The following CTIF variants were observed in gnomAD, a reference collection of about 807,000 sequenced individuals.
CTIF encodes the protein CBP80/20-dependent translation initiation factor.
A neutral mutation model predicts 66.0 loss-of-function variants in CTIF; 21 were observed. That is an observed-to-expected ratio of 0.32 (90% CI 0.23 to 0.46). The LOEUF (loss-of-function observed/expected upper bound fraction) is 0.46, where lower values mean the gene tolerates loss of function less well. Ranked by LOEUF, CTIF falls within the 20% of genes least tolerant of loss-of-function variation. CTIF has a pLI of 1.00. For missense variants in CTIF, 739 were observed against 812.7 expected (o/e 0.91, Z 1.10); for synonymous variants, 345 against 326.4 (o/e 1.06, Z -0.62).
chr18:48,649,239 G>A (rs955791903), intron 3 of CTIF, among the ~76,000 whole-genome samples: 1 of 152,066 alleles, frequency 6.6e-6, no homozygotes, highest in African/African-American at 2.4e-5. Context: ...GGAAAAATGG[G>A]ACACTCCCAC....
At position 48,769,990 on chromosome 18, in the gene CTIF, G is replaced by A. The variant is rs527868416; in HGVS notation, c.1371+8301G>A. ...GCCCTGACTGTTCAGTTTGGGTGGG[G>A]CGGGGGAACATGTGGCTTCCAGGAG... On this transcript the variant is annotated intron_variant, in intron 9 of 11. Coordinates refer to ENST00000256413, the MANE Select transcript of CTIF (RefSeq NM_014772.3). Among the ~76,000 whole-genome samples, 3 of 152,358 alleles carry A rather than the reference G, an allele frequency of 2.0e-5. No individual in the cohort carries two copies. In the East Asian group the frequency reaches 5.8e-4, roughly 29 times the overall value.
chr18:48,700,585 C>T (rs1005408373), intron 6 of CTIF, among the ~76,000 whole-genome samples: 4 of 152,228 alleles, frequency 2.6e-5, no homozygotes, highest in African/African-American at 4.8e-5. Flanking sequence ...CCTGTGCGAA[C>T]GTGACTACTG....
intron 3 of CTIF, among the ~76,000 whole-genome samples, chr18:48,642,252 G>A (rs575743589): frequency 6.6e-6 from 1 of 152,114 alleles, no homozygotes; most frequent in Non-Finnish European, 1.5e-5. Flanking sequence ...CAACATACAC[G>A]TAAGATCCCC....
intron 9 of CTIF, among the ~76,000 whole-genome samples, chr18:48,805,635 G>A (rs1408096207): frequency 6.6e-6 from 1 of 152,228 alleles, no homozygotes; most frequent in East Asian, 1.9e-4. Context: ...TCACTGTATG[G>A]CAAAAATGTT....
chr18:48,581,525 C>T (rs1310351895), intron 1 of CTIF, among the ~76,000 whole-genome samples: 1 of 152,180 alleles, frequency 6.6e-6, no homozygotes, highest in Non-Finnish European at 1.5e-5. Flanking sequence ...GCCTTAACCA[C>T]TGCACTTCAT....
intron 7 of CTIF, among the ~76,000 whole-genome samples, chr18:48,751,574 C>T (rs1280298169): frequency 6.6e-6 from 1 of 152,214 alleles, no homozygotes; most frequent in African/African-American, 2.4e-5. Context: ...GGGAGCAGTT[C>T]AGAGGCACAC....
At chr18:48,758,555 G>A in intron 8 of CTIF, 150 bp downstream of exon 8, 1 of 953,990 alleles carries the variant, frequency 1.0e-6, no homozygotes, top group Non-Finnish European at 1.6e-6. Flanking sequence ...TCACTGTGGG[G>A]ACCAACCACA....
At chr18:48,637,390 C>G (rs966579801) in intron 3 of CTIF, among the ~76,000 whole-genome samples, 41 of 152,338 alleles carry the variant, frequency 2.7e-4, no homozygotes, top group Admixed American at 1.8e-3. Flanking sequence ...TACCTCATCC[C>G]TGCCTGCAGG....
chr18:48,675,891 G>A (rs919392512), intron 6 of CTIF, among the ~76,000 whole-genome samples: 4 of 152,194 alleles, frequency 2.6e-5, no homozygotes, highest in South Asian at 2.1e-4. Flanking sequence ...AGTCTAAGCC[G>A]AGTTAATTTA....
chr18:48,598,355 A>ACTCCT (rs2090025209), intron 1 of CTIF, among the ~76,000 whole-genome samples: 1 of 152,232 alleles, frequency 6.6e-6, no homozygotes, highest in Admixed American at 6.5e-5. Context: ...GGAAGTTGGA[A>ACTCCT]GTGTGCTGTC....
At chr18:48,745,808 G>A (rs2092591079) in intron 7 of CTIF, among the ~76,000 whole-genome samples, 1 of 152,008 alleles carries the variant, frequency 6.6e-6, no homozygotes, top group Non-Finnish European at 1.5e-5. Flanking sequence ...CAAGATGGCT[G>A]GGCTGGGGGT....
At chr18:48,721,116 T>C (rs1421222939) in intron 7 of CTIF, among the ~76,000 whole-genome samples, 3 of 152,188 alleles carry the variant, frequency 2.0e-5, no homozygotes, top group Non-Finnish European at 2.9e-5. Flanking sequence ...AGTACTACTC[T>C]TTCTCGATCA....
At chr18:48,627,958 G>C (rs79686769) in intron 2 of CTIF, among the ~76,000 whole-genome samples, 12,006 of 152,122 alleles carry the variant, frequency 0.079, 536 homozygotes, top group South Asian at 0.14. Context: ...GCTATGGTAG[G>C]GGGTCAGCAA....
chr18:48,772,779 C>T (rs1384208694), intron 9 of CTIF, among the ~76,000 whole-genome samples: 2 of 152,194 alleles, frequency 1.3e-5, no homozygotes, highest in African/African-American at 4.8e-5. Context: ...TATTGTGATT[C>T]ATGCTGATAG....
At chr18:48,628,882 TG>T (rs1251505257) in intron 2 of CTIF, among the ~76,000 whole-genome samples, 1 of 152,168 alleles carries the variant, frequency 6.6e-6, no homozygotes, top group Non-Finnish European at 1.5e-5. Flanking sequence ...AAAATATCAC[TG>T]GATAGAGAAT....
chr18:48,541,329 G>T (rs2088612605), intron 1 of CTIF, among the ~76,000 whole-genome samples: 1 of 152,168 alleles, frequency 6.6e-6, no homozygotes, highest in Non-Finnish European at 1.5e-5. Flanking sequence ...TGGAGCCGCC[G>T]GCTCGGCCGC....
In CTIF at chr18:48,557,638, G is replaced by A. The variant is rs538360683; in HGVS notation, c.-29+18326G>A. On this transcript the variant is annotated intron_variant, in intron 1 of 11. Transcript: ENST00000256413. ...GTTTCTATAGTCTCTGTATTAGTCC[G>A]TACAGGCTGCCATAATGAAACTCCA... Among the ~76,000 whole-genome samples, 4 of 152,310 alleles carry A rather than the reference G, an allele frequency of 2.6e-5. No homozygotes were observed. In the East Asian group the frequency reaches 5.8e-4, roughly 22 times the overall value.
intron 1 of CTIF, among the ~76,000 whole-genome samples, chr18:48,578,098 T>C (rs2089575358): frequency 6.6e-6 from 1 of 152,250 alleles, no homozygotes; most frequent in Admixed American, 6.5e-5. Context: ...AACTGGCTTC[T>C]TTCACTTAGT....
chr18:48,788,778 A>G (rs988282681), intron 9 of CTIF, among the ~76,000 whole-genome samples: 12 of 152,176 alleles, frequency 7.9e-5, no homozygotes, highest in Admixed American at 2.0e-4. Flanking sequence ...TCACTACAGA[A>G]AAAATGAGAA....
Sources: gnomAD v4.1 joint callset for allele counts (sites outside exome capture counted in the v4.1 genomes callset) on GRCh38, gnomAD v4.1.1 for gene constraint, MANE v1.5 for transcripts, NCBI Gene and HGNC (gene_info 2026-07-23, HGNC 2026-07-21) for gene names.